The following STAT1 variants were observed in gnomAD, a reference collection of about 807,000 sequenced individuals.
The protein encoded by STAT1 is signal transducer and activator of transcription 1.
Under a neutral mutation model 111.7 loss-of-function variants are expected in STAT1, and 24 were observed. The observed-to-expected ratio is 0.21, with a 90% CI of 0.16 to 0.30. The LOEUF (loss-of-function observed/expected upper bound fraction) is 0.30. Among genes scored for constraint, STAT1 ranks in the 10% least tolerant of loss-of-function variants. STAT1 has a pLI of 1.00. For missense variants in STAT1, 351 were observed against 911.9 expected (o/e 0.38, Z 7.92); for synonymous variants, 332 against 326.5 (o/e 1.02, Z -0.18).
At position 191,003,840 on chromosome 2, in the gene STAT1, CAGCTGGG is replaced by C. The variant is rs1694473389; in HGVS notation, c.373-2684_373-2678del. 1.3e-5 allele frequency among the ~76,000 whole-genome samples: 2 copies of C among 152,160 alleles called. 1 individual carries two copies. The highest frequency in any genetic ancestry group is 4.1e-4 in the South Asian group (2 of 4,832). ...GCACGGTGTCCTGTGGGCTTTGTAA[CAGCTGGG>C]ACACTACACCTAGAGAGAGGGACCA... On this transcript the variant is annotated intron_variant, in intron 5 of 24. Coordinates refer to ENST00000361099, the MANE Select transcript of STAT1 (RefSeq NM_007315.4). The surrounding 1 kb of genome is among the most constrained non-coding windows in gnomAD (Gnocchi z 4.0).
In STAT1 at chr2:190,970,562, T is replaced by C; in HGVS notation, c.*141A>G. 1 of 880,420 alleles carries C rather than the reference T, an allele frequency of 1.1e-6. No homozygotes were observed. Among genetic ancestry groups the C allele is most frequent in the Non-Finnish European group, 1.9e-6 (1 of 534,130 alleles). The allele number at this position is 880,420 out of a possible 1,614,324, so 54.5% of individuals were successfully genotyped here. ...TTTCTGAGTTAGAGAAAAATTCACT[T>C]GCTATCAACAGGTTGCAGCGAATTT... is the stretch of plus-strand genomic sequence containing the variant. On this transcript the variant is annotated 3_prime_UTR_variant, in exon 25 of 25. Coordinates refer to ENST00000361099, the MANE Select transcript of STAT1 (RefSeq NM_007315.4). The surrounding 1 kb of genome is among the most constrained non-coding windows in gnomAD (Gnocchi z 5.4).
rs181592135 is a variant in STAT1, at chr2:190,973,254, G to A, written c.2238+1576C>T. On this transcript the variant is annotated intron_variant, in intron 24 of 24. Coordinates refer to ENST00000361099, the MANE Select transcript of STAT1 (RefSeq NM_007315.4). The surrounding 1 kb of genome is among the most constrained non-coding windows in gnomAD (Gnocchi z 4.4). ...TTTGTGGGAGGCTTTCCAGGATACC[G>A]GACAAAAGCATGCACTAGAGACTCA... Among the ~76,000 whole-genome samples the A allele has an allele frequency of 4.4e-4, 67 of 152,204 alleles. No individual in the cohort carries two copies. The highest frequency in any genetic ancestry group is 7.2e-4 in the Non-Finnish European group (49 of 68,010).
chr2:190,992,504 C>T (rs970600845), intron 10 of STAT1: 17 of 282,246 alleles, frequency 6.0e-5, no homozygotes, highest in African/African-American at 3.3e-4. Flanking sequence ...TGACCATTTA[C>T]AATCTCTGAC....
chr2:190,991,869 T>TA (rs200068522), intron 10 of STAT1, among the ~76,000 whole-genome samples: 1,647 of 151,858 alleles, frequency 0.011, 100 homozygotes, highest in Admixed American at 0.092. Context: ...AAATCCAAAA[T>TA]AAAAAATAAA....
Position 191,009,114 on chromosome 2 carries a change from G to T in STAT1, c.129-7C>A, listed in dbSNP as rs761021143. 3.1e-6 allele frequency: 5 copies of T among 1,614,004 alleles called. No homozygotes were observed. Among genetic ancestry groups the T allele is most frequent in the South Asian group, 1.1e-5 (1 of 91,072 alleles). On this transcript the variant is annotated splice_region_variant and splice_polypyrimidine_tract_variant and intron_variant, in intron 3 of 24. Transcript: ENST00000361099. ...ATCATTGGCAGCGTGCTCCCTAGGA[G>T]ATTTAACATTTACACATTTCATTCT...
chr2:190,983,885 C>A lies in STAT1; in HGVS notation c.1348-145G>T. 1.3e-6 allele frequency: 1 copy of A among 743,270 alleles called. No individual in the cohort carries two copies. Among genetic ancestry groups the A allele is most frequent in the Non-Finnish European group, 2.3e-6 (1 of 425,994 alleles). The allele number at this position is 743,270 out of a possible 1,614,324, so 46.0% of individuals were successfully genotyped here. A position where few individuals can be genotyped will look rare whatever the true frequency, so the allele number is the denominator to read the frequency against. Reference sequence around the variant, plus strand: ...AAAATGAGAAGTGTTAAGTTCTGTTCTTCTGTCCAGTTTAACTTGTCTTTG... The same window carrying A: ...AAAATGAGAAGTGTTAAGTTCTGTTATTCTGTCCAGTTTAACTTGTCTTTG... On this transcript the variant is annotated intron_variant, in intron 16 of 24. Transcript: ENST00000361099. The surrounding 1 kb of genome is among the most constrained non-coding windows in gnomAD (Gnocchi z 5.7).
intron 2 of STAT1, 62 bp from the exon 3 acceptor site, chr2:191,010,066 C>G: frequency 1.3e-6 from 2 of 1,586,256 alleles, no homozygotes; most frequent in Non-Finnish European, 1.7e-6. Context: ...CCAAAGAAAG[C>G]CTTCCTAGCA....
chr2:190,982,120 A>G lies in STAT1; in HGVS notation c.1582+263T>C, dbSNP rs974342441. ...ACAAATAATATATTTTACATAATTC[A>G]TAAAACTTTCCCTTGGGAATTCATC... On this transcript the variant is annotated intron_variant, in intron 18 of 24. Coordinates refer to ENST00000361099, the MANE Select transcript of STAT1 (RefSeq NM_007315.4). The surrounding 1 kb of genome is among the most constrained non-coding windows in gnomAD (Gnocchi z 7.3). Among the ~76,000 whole-genome samples, 11 of 152,274 alleles carry G rather than the reference A, an allele frequency of 7.2e-5. No individual in the cohort carries two copies. The highest frequency in any genetic ancestry group is 2.7e-4 in the African/African-American group (11 of 41,476).
Position 191,003,301 on chromosome 2 carries a change from T to C in STAT1, c.373-2138A>G, listed in dbSNP as rs1286886427. 2.0e-5 allele frequency among the ~76,000 whole-genome samples: 3 copies of C among 152,238 alleles called. No individual in the cohort carries two copies. Among genetic ancestry groups the C allele is most frequent in the African/African-American group, 7.2e-5 (3 of 41,460 alleles). ...CACTCAGTGACAAAAGGGGTTTCTC[T>C]GGGCGGTTGGAATAAGTTGTCACTT... On this transcript the variant is annotated intron_variant, in intron 5 of 24. Coordinates refer to ENST00000361099, the MANE Select transcript of STAT1 (RefSeq NM_007315.4). This position sits in a 1 kb window ranked among gnomAD's most constrained non-coding sequence, Gnocchi z 4.0.
chr2:191,009,212 A>G, intron 3 of STAT1, 105 bp from the exon 4 acceptor site: 2 of 1,356,108 alleles, frequency 1.5e-6, no homozygotes, highest in South Asian at 2.7e-5. Context: ...AAATAATTTA[A>G]GTATTTTCTT....
intron 10 of STAT1, among the ~76,000 whole-genome samples, chr2:190,991,695 C>CAA (rs201757771): frequency 6.9e-6 from 1 of 145,254 alleles, no homozygotes; most frequent in Admixed American, 7.1e-5. Flanking sequence ...CGTATCTTTA[C>CAA]AATTTGTTTT....
At position 190,994,998 on chromosome 2, in the gene STAT1, C is replaced by A. The variant is rs539807548; in HGVS notation, c.944+63G>T. 13 of 1,420,868 alleles carry A rather than the reference C, an allele frequency of 9.1e-6. No individual in the cohort carries two copies. The East Asian group carries it at 3.1e-4, about 34-fold the overall frequency. The allele number at this position is 1,420,868 out of a possible 1,614,324, so 88.0% of individuals were successfully genotyped here. ...AACCCTTGTAAATCATCTGAATTAA[C>A]GGTAAAATGTTCCTCTGTATAGACC... On this transcript the variant is annotated intron_variant, in intron 10 of 24. Transcript: ENST00000361099.
chr2:190,982,263 A>G lies in STAT1; in HGVS notation c.1582+120T>C. On this transcript the variant is annotated intron_variant, in intron 18 of 24. Transcript: ENST00000361099. The surrounding 1 kb of genome is among the most constrained non-coding windows in gnomAD (Gnocchi z 7.3). ...AGCTATAATAAACTATAGCTTGAAA[A>G]GCTGACAGATTTTAGTACTTTTTTA... 8.4e-7 allele frequency: 1 copy of G among 1,185,520 alleles called. No homozygotes were observed. The highest frequency in any genetic ancestry group is 1.2e-6 in the Non-Finnish European group (1 of 803,182). The allele number at this position is 1,185,520 out of a possible 1,614,324, so 73.4% of individuals were successfully genotyped here.
intron 10 of STAT1, chr2:190,992,912 C>A (rs1693494726): frequency 7.5e-6 from 2 of 265,740 alleles, no homozygotes; most frequent in Non-Finnish European, 1.4e-5. Flanking sequence ...GCCTCAGCCT[C>A]CCAAGTAGCT....
intron 5 of STAT1, among the ~76,000 whole-genome samples, chr2:191,002,258 G>A (rs564748516): frequency 6.6e-6 from 1 of 152,232 alleles, no homozygotes; most frequent in South Asian, 2.1e-4. Context: ...TGTCTTAACA[G>A]CATTTACTGA....
chr2:190,998,370 T>G lies in STAT1; in HGVS notation c.542-62A>C. 2.3e-5 allele frequency: 31 copies of G among 1,343,154 alleles called. No homozygotes were observed. In the South Asian group the frequency reaches 3.5e-4, roughly 15 times the overall value. 83.2% of individuals were successfully genotyped at this position (1,343,154 alleles called of 1,614,324 possible). The stretch of plus-strand genomic sequence containing the variant: ...AGACAAAACCAACAAAAGCCAAGAT[T>G]CATATAAATTTAGGATAAATATGAC... On this transcript the variant is annotated intron_variant, in intron 7 of 24. Coordinates refer to ENST00000361099, the MANE Select transcript of STAT1 (RefSeq NM_007315.4). The surrounding 1 kb of genome is among the most constrained non-coding windows in gnomAD (Gnocchi z 4.1).
In STAT1 at chr2:191,007,208, T is replaced by C. The variant is rs932929806; in HGVS notation, c.372+355A>G. 2.0e-4 allele frequency among the ~76,000 whole-genome samples: 31 copies of C among 152,226 alleles called. No homozygotes were observed. Among genetic ancestry groups the C allele is most frequent in the Non-Finnish European group, 1.9e-4 (13 of 68,042 alleles). Reference sequence around the variant, plus strand: ...TGGACAGCTGCAAGAACCCTCTATCTGCCTGCTTCCATTCCTGTGCCAGCA... The same window carrying C: ...TGGACAGCTGCAAGAACCCTCTATCCGCCTGCTTCCATTCCTGTGCCAGCA... On this transcript the variant is annotated intron_variant, in intron 5 of 24. Coordinates refer to ENST00000361099, the MANE Select transcript of STAT1 (RefSeq NM_007315.4). This position sits in a 1 kb window ranked among gnomAD's most constrained non-coding sequence, Gnocchi z 4.2.
Position 191,007,355 on chromosome 2 carries a change from T to C in STAT1, c.372+208A>G, listed in dbSNP as rs1298464741. Among the ~76,000 whole-genome samples, 1 of 152,224 alleles carries C rather than the reference T, an allele frequency of 6.6e-6. No homozygotes were observed. Among genetic ancestry groups the C allele is most frequent in the African/African-American group, 2.4e-5 (1 of 41,456 alleles). ...CCAGAAGTATCTTGTTTATATGTTCTCTCTCCTCGTTAGAACTTAATTCCA... is the reference window on the plus strand; with the variant it reads ...CCAGAAGTATCTTGTTTATATGTTCCCTCTCCTCGTTAGAACTTAATTCCA... On this transcript the variant is annotated intron_variant, in intron 5 of 24. Coordinates refer to ENST00000361099, the MANE Select transcript of STAT1 (RefSeq NM_007315.4). This position sits in a 1 kb window ranked among gnomAD's most constrained non-coding sequence, Gnocchi z 4.2.
chr2:190,997,737 G>A lies in STAT1; in HGVS notation c.785+119C>T. 1 of 1,477,970 alleles carries A rather than the reference G, an allele frequency of 6.8e-7. No individual in the cohort carries two copies. Among genetic ancestry groups the A allele is most frequent in the Non-Finnish European group, 9.3e-7 (1 of 1,073,534 alleles). 91.6% of individuals were successfully genotyped at this position (1,477,970 alleles called of 1,614,324 possible). ...CCAGGGTAAGCAGAAGCTGGACTAT[G>A]TCAAACTCTATACTAATGTTTTGAC... On this transcript the variant is annotated intron_variant, in intron 9 of 24. Coordinates refer to ENST00000361099, the MANE Select transcript of STAT1 (RefSeq NM_007315.4). The surrounding 1 kb of genome is among the most constrained non-coding windows in gnomAD (Gnocchi z 7.3).
Sources: gnomAD v4.1 joint callset for allele counts (sites outside exome capture counted in the v4.1 genomes callset) on GRCh38, gnomAD v4.1.1 for gene constraint, Gnocchi (gnomAD v3.1) non-coding constraint, MANE v1.5 for transcripts, NCBI Gene and HGNC (gene_info 2026-07-23, HGNC 2026-07-21) for gene names.